The following RALGAPA2 variants were observed in gnomAD, a reference collection of about 807,000 sequenced individuals.
The protein encoded by RALGAPA2 is ral GTPase-activating protein subunit alpha-2.
Under a neutral mutation model 230.4 loss-of-function variants are expected in RALGAPA2, and 139 were observed. The ratio of observed to expected loss-of-function variants is 0.60; its 90% confidence interval spans 0.53 to 0.69. The LOEUF (loss-of-function observed/expected upper bound fraction) is 0.69, where lower values mean the gene tolerates loss of function less well. Among genes scored for constraint, RALGAPA2 ranks in the 30% least tolerant of loss-of-function variants. RALGAPA2 has a pLI of 0.00. For missense variants in RALGAPA2, 2,163 were observed against 2,276.0 expected (o/e 0.95, Z 1.01); for synonymous variants, 847 against 837.8 (o/e 1.01, Z -0.19).
intron 33 of RALGAPA2, among the ~76,000 whole-genome samples, chr20:20,510,961 G>A (rs900056453): frequency 6.6e-6 from 1 of 152,180 alleles, no homozygotes; most frequent in Non-Finnish European, 1.5e-5. Context: ...TCATAAGGAG[G>A]TGGTTGCAGA....
intron 23 of RALGAPA2, among the ~76,000 whole-genome samples, chr20:20,556,473 T>C (rs570230597): frequency 6.6e-6 from 1 of 152,194 alleles, no homozygotes; most frequent in East Asian, 1.9e-4. Flanking sequence ...GCTGCACCAA[T>C]AGTGCCTTGA....
rs952389302 is a variant in RALGAPA2 at position 20,712,535 on chromosome 20, C to T, written c.-55G>A. 1 of 1,509,314 alleles carries T rather than the reference C, an allele frequency of 6.6e-7. No homozygotes were observed. The highest frequency in any genetic ancestry group is 8.9e-7 in the Non-Finnish European group (1 of 1,129,458). The allele number at this position is 1,509,314 out of a possible 1,614,324, so 93.5% of individuals were successfully genotyped here. On this transcript the variant is annotated 5_prime_UTR_variant, in exon 1 of 40. Transcript: ENST00000202677. The surrounding 1 kb of genome is among the most constrained non-coding windows in gnomAD (Gnocchi z 5.5). ...CGGGGCAGTAGGCGCCTGCGCCACG[C>T]GAATCAAAGCATAGGGTCGAGGCCG...
intron 23 of RALGAPA2, among the ~76,000 whole-genome samples, chr20:20,568,347 C>T (rs2064515057): frequency 6.6e-6 from 1 of 152,144 alleles, no homozygotes; most frequent in South Asian, 2.1e-4. Flanking sequence ...GTTAGTATTA[C>T]ATAAGTTATT....
chr20:20,514,820 C>T (rs1019322019), intron 31 of RALGAPA2, among the ~76,000 whole-genome samples: 7 of 152,234 alleles, frequency 4.6e-5, no homozygotes, highest in Non-Finnish European at 1.0e-4. Flanking sequence ...GCCTTTTGCA[C>T]TCCAAGCCCA....
chr20:20,652,097 T>C (rs968252840), intron 4 of RALGAPA2, among the ~76,000 whole-genome samples: 8 of 152,220 alleles, frequency 5.3e-5, no homozygotes, highest in Non-Finnish European at 1.0e-4. Context: ...TTGGTTCAAT[T>C]GACATATACA....
rs533947258 is a variant in RALGAPA2 at position 20,391,903 on chromosome 20, G to A, written c.*1386C>T. 6.6e-6 allele frequency: 1 copy of A among 152,470 alleles called. No homozygotes were observed. Among genetic ancestry groups the A allele is most frequent in the Non-Finnish European group, 1.5e-5 (1 of 68,226 alleles). 9.4% of individuals were successfully genotyped at this position (152,470 alleles called of 1,614,324 possible). The stretch of plus-strand genomic sequence containing the variant: ...TGCTGCTGTCCCTTCCCACTGCAGG[G>A]CGTTGCTCTGTACCTGGCCGCTGTG... On this transcript the variant is annotated 3_prime_UTR_variant, in exon 40 of 40. Transcript: ENST00000202677.
intron 37 of RALGAPA2, among the ~76,000 whole-genome samples, chr20:20,439,795 A>G (rs1220434804): frequency 6.6e-6 from 1 of 152,200 alleles, no homozygotes; most frequent in Admixed American, 6.5e-5. Context: ...TGTACACACC[A>G]TGAGTACAAA....
chr20:20,478,910 C>G (rs981787974), intron 36 of RALGAPA2, among the ~76,000 whole-genome samples: 1 of 150,200 alleles, frequency 6.7e-6, no homozygotes, highest in African/African-American at 2.5e-5. Flanking sequence ...ATACAATTGA[C>G]AGGTCTTTGG....
intron 3 of RALGAPA2, among the ~76,000 whole-genome samples, chr20:20,662,298 A>C (rs555343044): frequency 1.3e-5 from 2 of 149,626 alleles, no homozygotes; most frequent in African/African-American, 5.0e-5. Flanking sequence ...TTAAACACTC[A>C]AGTTAAAAAA....
rs754213777 is a variant in RALGAPA2, at chr20:20,629,429, T to G, written c.1167A>C (p.Glu389Asp). ...SIEEEHRMVY[E>D]MVQRILLSTR... is the part of the protein sequence containing the mutation. ...TTGACAAGAGAATCCGCTGTACCAT[T>G]TCATACACCATTCGGTGCTCTTCTT... Residue 389 changes from glutamate (E) to aspartate (D), a missense_variant, in exon 10 of 40, where the codon GAA becomes GAC. By Grantham distance (45) the Glu-to-Asp change is conservative. Transcript: ENST00000202677. 1 of 1,613,742 alleles carries G rather than the reference T, an allele frequency of 6.2e-7. No homozygotes were observed. The highest frequency in any genetic ancestry group is 8.5e-7 in the Non-Finnish European group (1 of 1,179,852).
chr20:20,488,740 G>T (rs963533002), intron 36 of RALGAPA2, among the ~76,000 whole-genome samples: 19 of 151,774 alleles, frequency 1.3e-4, no homozygotes, highest in African/African-American at 4.1e-4. Context: ...TACTTTCTTT[G>T]AAATACCCAT....
Position 20,392,767 on chromosome 20 carries a change from T to G in RALGAPA2, c.*522A>C, listed in dbSNP as rs1236364560. On this transcript the variant is annotated 3_prime_UTR_variant, in exon 40 of 40. Transcript: ENST00000202677. Reference sequence around the variant, plus strand: ...ACATAAAAGGAACTAGCAAAATCAATGCAGATCAGATTCCTCAATTAGACA... The same window carrying G: ...ACATAAAAGGAACTAGCAAAATCAAGGCAGATCAGATTCCTCAATTAGACA... The G allele has an allele frequency of 5.6e-6, 1 of 177,450 alleles. No homozygotes were observed. The allele number at this position is 177,450 out of a possible 1,614,324, so 11.0% of individuals were successfully genotyped here. A position where few individuals can be genotyped will look rare whatever the true frequency, so the allele number is the denominator to read the frequency against.
chr20:20,688,975 C>T (rs2068802170), intron 1 of RALGAPA2, among the ~76,000 whole-genome samples: 1 of 152,150 alleles, frequency 6.6e-6, no homozygotes, highest in Admixed American at 6.5e-5. Flanking sequence ...GTATTAATTT[C>T]TAGTAAATAG....
intron 13 of RALGAPA2, 74 bp from the exon 14 acceptor site, chr20:20,611,500 T>G: frequency 1.3e-6 from 2 of 1,524,362 alleles, no homozygotes; most frequent in Non-Finnish European, 1.8e-6. Flanking sequence ...GTACCAGAAA[T>G]TCTCTTAAGA....
Position 20,640,761 on chromosome 20 carries a change from A to T in RALGAPA2, c.490T>A (p.Ser164Thr), listed in dbSNP as rs375342723. 8 of 1,614,022 alleles carry T rather than the reference A, an allele frequency of 5.0e-6. No individual in the cohort carries two copies. Among genetic ancestry groups the T allele is most frequent in the Non-Finnish European group, 5.9e-6 (7 of 1,179,874 alleles). The change falls in exon 6 of 40, where the codon TCA becomes ACA. Residue 164 changes from serine to threonine, a missense_variant. Ser to Thr is a moderately conservative substitution (Grantham distance 58, BLOSUM62 1). Coordinates refer to ENST00000202677, the MANE Select transcript of RALGAPA2 (RefSeq NM_020343.4). The stretch of plus-strand genomic sequence containing the variant: ...TCCAGTGTGCAAGGGCCCCTGGATG[A>T]CATGACTGCTGGGAAACCAGGCACC... ...CLVPGFPAVM[S>T]SRGPCTLETL...
At chr20:20,619,143 C>T in intron 12 of RALGAPA2, 134 bp downstream of exon 12, 1 of 953,220 alleles carries the variant, frequency 1.0e-6, no homozygotes, top group Non-Finnish European at 1.4e-6. Context: ...AATTAAATTG[C>T]TGTTTATCGT....
At chr20:20,393,718 C>G (rs1490779360) in intron 39 of RALGAPA2, among the ~76,000 whole-genome samples, 1 of 152,164 alleles carries the variant, frequency 6.6e-6, no homozygotes, top group African/African-American at 2.4e-5. Context: ...CGATTATTCC[C>G]CAAAGGGTCT....
intron 37 of RALGAPA2, among the ~76,000 whole-genome samples, chr20:20,465,149 T>TCTCTCACACA (rs1556066770): frequency 7.4e-4 from 81 of 109,236 alleles, no homozygotes; most frequent in Non-Finnish European, 1.2e-3. Flanking sequence ...CCGCAGGCCT[T>TCTCTCACACA]CACACACACA....
At position 20,536,755 on chromosome 20, in the gene RALGAPA2, G is replaced by C; in HGVS notation, c.3315C>G (p.Leu1105=). 1 of 1,612,682 alleles carries C rather than the reference G, an allele frequency of 6.2e-7. No homozygotes were observed. Among genetic ancestry groups the C allele is most frequent in the Non-Finnish European group, 8.5e-7 (1 of 1,178,978 alleles). ...TAPRSEAVTV[L]GSLVCFPNTY... is the part of the protein sequence containing the mutation. Reference sequence around the variant, plus strand: ...TATTTGGAAAGCAGACCAGAGAGCCGAGGACAGTGACAGCCTCTGAACGAG... The same window carrying C: ...TATTTGGAAAGCAGACCAGAGAGCCCAGGACAGTGACAGCCTCTGAACGAG... The change falls in exon 25 of 40, where the codon CTC becomes CTG. Residue 1105 remains leucine (L), a synonymous_variant. Coordinates refer to ENST00000202677, the MANE Select transcript of RALGAPA2 (RefSeq NM_020343.4).
Sources: allele counts gnomAD v4.1 joint callset (sites outside exome capture counted in the v4.1 genomes callset), GRCh38; gene constraint gnomAD v4.1.1; non-coding constraint Gnocchi (gnomAD v3.1); transcripts MANE v1.5; gene names NCBI Gene and HGNC (gene_info 2026-07-23, HGNC 2026-07-21).